The following AGPAT4 variants were observed in gnomAD, a reference collection of about 807,000 sequenced individuals.
The protein encoded by AGPAT4 is 1-acylglycerol-3-phosphate O-acyltransferase 4, also known as 1-acyl-sn-glycerol-3-phosphate acyltransferase delta.
A neutral mutation model predicts 48.0 loss-of-function variants in AGPAT4; 15 were observed. The observed-to-expected ratio is 0.31, with a 90% CI of 0.21 to 0.48. AGPAT4 has a LOEUF of 0.48. Among genes scored for constraint, AGPAT4 ranks in the 20% least tolerant of loss-of-function variants. The pLI is 0.99. For synonymous variants in AGPAT4, 178 were observed against 198.7 expected (o/e 0.90, Z 0.88); for missense variants, 314 against 482.5 (o/e 0.65, Z 3.27).
intron 1 of AGPAT4, among the ~76,000 whole-genome samples, chr6:161,256,309 C>A (rs1004062532): frequency 6.6e-6 from 1 of 152,186 alleles, no homozygotes; most frequent in Admixed American, 6.5e-5. Context: ...ACCCCAGGCA[C>A]GCATGGTGAC....
rs545800785 is a variant in AGPAT4, at chr6:161,137,938, A to C, written c.1043-1304T>G. On this transcript the variant is annotated intron_variant, in intron 8 of 8. Coordinates refer to ENST00000320285, the MANE Select transcript of AGPAT4 (RefSeq NM_020133.3). The surrounding 1 kb of genome is among the most constrained non-coding windows in gnomAD (Gnocchi z 6.1). ...CCACACTGCACCCTGGGCAGTGCTCAGGCTTCTTTTTTTGGTACTCGCTAC... is the reference window on the plus strand; with the variant it reads ...CCACACTGCACCCTGGGCAGTGCTCCGGCTTCTTTTTTTGGTACTCGCTAC... 2.0e-5 allele frequency among the ~76,000 whole-genome samples: 3 copies of C among 152,244 alleles called. No individual in the cohort carries two copies. In the South Asian group the frequency reaches 6.2e-4, roughly 32 times the overall value.
At chr6:161,268,982 T>G (rs1443456252) in intron 1 of AGPAT4, among the ~76,000 whole-genome samples, 2 of 152,232 alleles carry the variant, frequency 1.3e-5, no homozygotes, top group African/African-American at 4.8e-5. Flanking sequence ...GAAACCCACT[T>G]GTTTTTATCA....
Position 161,221,899 on chromosome 6 carries a change from A to T in AGPAT4, c.178+10137T>A, listed in dbSNP as rs1781845799. ...GATTAGGGCATACCCTAATGGCCTCATCTTAACTTGATCATCTATGAAGAC... is the reference window on the plus strand; with the variant it reads ...GATTAGGGCATACCCTAATGGCCTCTTCTTAACTTGATCATCTATGAAGAC... On this transcript the variant is annotated intron_variant, in intron 2 of 8. Coordinates refer to ENST00000320285, the MANE Select transcript of AGPAT4 (RefSeq NM_020133.3). This position sits in a 1 kb window ranked among gnomAD's most constrained non-coding sequence, Gnocchi z 4.5. Among the ~76,000 whole-genome samples, 1 of 152,250 alleles carries T rather than the reference A, an allele frequency of 6.6e-6. No homozygotes were observed. Among genetic ancestry groups the T allele is most frequent in the Non-Finnish European group, 1.5e-5 (1 of 68,048 alleles).
rs1781097394 is a variant in AGPAT4 at position 161,197,319 on chromosome 6, G to A, written c.179-30902C>T. ...TAAAGAACTAGCGTTCCATAAAACA[G>A]TTTGGGAAATACTGCTCTAAGTGAT... is the stretch of plus-strand genomic sequence containing the variant. On this transcript the variant is annotated intron_variant, in intron 2 of 8. Coordinates refer to ENST00000320285, the MANE Select transcript of AGPAT4 (RefSeq NM_020133.3). This position sits in a 1 kb window ranked among gnomAD's most constrained non-coding sequence, Gnocchi z 5.7. Among the ~76,000 whole-genome samples, 1 of 152,194 alleles carries A rather than the reference G, an allele frequency of 6.6e-6. No homozygotes were observed. Among genetic ancestry groups the A allele is most frequent in the African/African-American group, 2.4e-5 (1 of 41,450 alleles).
chr6:161,149,838 A>G lies in AGPAT4; in HGVS notation c.665-549T>C, dbSNP rs191676188. On this transcript the variant is annotated intron_variant, in intron 5 of 8. Coordinates refer to ENST00000320285, the MANE Select transcript of AGPAT4 (RefSeq NM_020133.3). This position sits in a 1 kb window ranked among gnomAD's most constrained non-coding sequence, Gnocchi z 6.5. ...ATTACAGGTGTAAGCCACTGTGCCC[A>G]GCCCAGATCACTTTTAAAGCAATAC... is the stretch of plus-strand genomic sequence containing the variant. Among the ~76,000 whole-genome samples, 1 of 152,302 alleles carries G rather than the reference A, an allele frequency of 6.6e-6. No homozygotes were observed. Among genetic ancestry groups the G allele is most frequent in the East Asian group, 1.9e-4 (1 of 5,178 alleles).
rs1381821017 is a variant in AGPAT4 at position 161,225,160 on chromosome 6, C to T, written c.178+6876G>A. Among the ~76,000 whole-genome samples the T allele has an allele frequency of 2.0e-5, 3 of 152,158 alleles. No individual in the cohort carries two copies. In the East Asian group the frequency reaches 5.8e-4, roughly 29 times the overall value. On this transcript the variant is annotated intron_variant, in intron 2 of 8. Transcript: ENST00000320285. The surrounding 1 kb of genome is among the most constrained non-coding windows in gnomAD (Gnocchi z 5.0). The stretch of plus-strand genomic sequence containing the variant: ...CCTGACTCCTTCCGATGACCTGCTC[C>T]ACCCTGACTCATTCCAATTACCTAC...
rs990679637 is a variant in AGPAT4 at position 161,266,460 on chromosome 6, A to G, written c.-90+7478T>C. On this transcript the variant is annotated intron_variant, in intron 1 of 8. Coordinates refer to ENST00000320285, the MANE Select transcript of AGPAT4 (RefSeq NM_020133.3). The surrounding 1 kb of genome is among the most constrained non-coding windows in gnomAD (Gnocchi z 6.2). ...CAGTTATGAAGAGAGGACTGTAATC[A>G]TTGTCATGGCATGTAATTATGCATC... Among the ~76,000 whole-genome samples the G allele has an allele frequency of 1.1e-4, 17 of 152,168 alleles. No individual in the cohort carries two copies. Among genetic ancestry groups the G allele is most frequent in the Admixed American group, 1.1e-3 (17 of 15,286 alleles).
At chr6:161,241,263 C>CA (rs61634719) in intron 1 of AGPAT4, among the ~76,000 whole-genome samples, 1,438 of 90,106 alleles carry the variant, frequency 0.016, 21 homozygotes, top group Admixed American at 0.04. Flanking sequence ...AACTCTGTCT[C>CA]AAAAAAAAAA....
chr6:161,144,011 TA>T lies in AGPAT4; in HGVS notation c.843+2512del, dbSNP rs1779334873. On this transcript the variant is annotated intron_variant, in intron 7 of 8. Transcript: ENST00000320285. The surrounding 1 kb of genome is among the most constrained non-coding windows in gnomAD (Gnocchi z 6.6). ...CACTTCTGACTGCAAGGTTGATCATTAAAATGAAATCCCACTTTGACAAACT... is the reference window on the plus strand; with the variant it reads ...CACTTCTGACTGCAAGGTTGATCATTAAATGAAATCCCACTTTGACAAACT... The T allele has an allele frequency of 2.4e-6, 1 of 412,728 alleles. No individual in the cohort carries two copies. The highest frequency in any genetic ancestry group is 2.9e-5 in the Admixed American group (1 of 34,732). The allele number at this position is 412,728 out of a possible 1,614,324, so 25.6% of individuals were successfully genotyped here. A position where few individuals can be genotyped will look rare whatever the true frequency, so the allele number is the denominator to read the frequency against.
In AGPAT4 at chr6:161,264,699, G is replaced by T. The variant is rs985139513; in HGVS notation, c.-90+9239C>A. ...GTATTCCTGCGGGCTGAATGCACGGGCTCCCTAAGAAACGCTGAAAGGGGA... is the reference window on the plus strand; with the variant it reads ...GTATTCCTGCGGGCTGAATGCACGGTCTCCCTAAGAAACGCTGAAAGGGGA... On this transcript the variant is annotated intron_variant, in intron 1 of 8. Transcript: ENST00000320285. This position sits in a 1 kb window ranked among gnomAD's most constrained non-coding sequence, Gnocchi z 6.8. Among the ~76,000 whole-genome samples, 1 of 152,168 alleles carries T rather than the reference G, an allele frequency of 6.6e-6. No homozygotes were observed. Among genetic ancestry groups the T allele is most frequent in the Non-Finnish European group, 1.5e-5 (1 of 68,012 alleles).
rs1386031714 is a variant in AGPAT4 at position 161,215,505 on chromosome 6, T to C, written c.178+16531A>G. Among the ~76,000 whole-genome samples the C allele has an allele frequency of 6.6e-6, 1 of 152,178 alleles. No homozygotes were observed. Among genetic ancestry groups the C allele is most frequent in the African/African-American group, 2.4e-5 (1 of 41,460 alleles). On this transcript the variant is annotated intron_variant, in intron 2 of 8. Coordinates refer to ENST00000320285, the MANE Select transcript of AGPAT4 (RefSeq NM_020133.3). This position sits in a 1 kb window ranked among gnomAD's most constrained non-coding sequence, Gnocchi z 4.5. ...GTTCAGATATCCTGGTCCTTCAGCA[T>C]GAGTGTGGTTCTCAGGTCTGTCTCT...
rs1781385440 is a variant in AGPAT4 at position 161,206,636 on chromosome 6, T to G, written c.178+25400A>C. Among the ~76,000 whole-genome samples the G allele has an allele frequency of 6.6e-6, 1 of 151,968 alleles. No individual in the cohort carries two copies. The highest frequency in any genetic ancestry group is 2.1e-4 in the South Asian group (1 of 4,812). ...AAATGTCCAAGATACAATTGAAAAA[T>G]CACTTGACATGCCAAGGACCAGGAA... On this transcript the variant is annotated intron_variant, in intron 2 of 8. Transcript: ENST00000320285. The surrounding 1 kb of genome is among the most constrained non-coding windows in gnomAD (Gnocchi z 4.8).
At chr6:161,268,869 A>C (rs1286635714) in intron 1 of AGPAT4, among the ~76,000 whole-genome samples, 1 of 152,204 alleles carries the variant, frequency 6.6e-6, no homozygotes, top group African/African-American at 2.4e-5. Context: ...AAACACAGAG[A>C]AAGTGCTGCA....
rs1193806085 is a variant in AGPAT4 at position 161,201,395 on chromosome 6, G to A, written c.178+30641C>T. On this transcript the variant is annotated intron_variant, in intron 2 of 8. Transcript: ENST00000320285. This position sits in a 1 kb window ranked among gnomAD's most constrained non-coding sequence, Gnocchi z 6.0. ...TTTCAGTCTTATTTTTATTCAAAGA[G>A]CACTTGAGGTTAAAAATAGAACCTA... is the stretch of plus-strand genomic sequence containing the variant. Among the ~76,000 whole-genome samples, 1 of 152,092 alleles carries A rather than the reference G, an allele frequency of 6.6e-6. No homozygotes were observed. The highest frequency in any genetic ancestry group is 2.4e-5 in the African/African-American group (1 of 41,410).
Position 161,139,275 on chromosome 6 carries a change from A to G in AGPAT4, c.1042+147T>C. The G allele has an allele frequency of 2.1e-6, 2 of 943,350 alleles. No homozygotes were observed. The highest frequency in any genetic ancestry group is 2.2e-5 in the Admixed American group (1 of 44,748). 58.4% of individuals were successfully genotyped at this position (943,350 alleles called of 1,614,324 possible). On this transcript the variant is annotated intron_variant, in intron 8 of 8. Coordinates refer to ENST00000320285, the MANE Select transcript of AGPAT4 (RefSeq NM_020133.3). This position sits in a 1 kb window ranked among gnomAD's most constrained non-coding sequence, Gnocchi z 9.1. ...TTCGAGGGCCTCGCACTCATCCTGAAGTCTAATCTTTCCCTGTGATTGCAA... is the reference window on the plus strand; with the variant it reads ...TTCGAGGGCCTCGCACTCATCCTGAGGTCTAATCTTTCCCTGTGATTGCAA...
rs1436708964 is a variant in AGPAT4, at chr6:161,226,499, C to T, written c.178+5537G>A. Among the ~76,000 whole-genome samples, 1 of 152,198 alleles carries T rather than the reference C, an allele frequency of 6.6e-6. No homozygotes were observed. The highest frequency in any genetic ancestry group is 1.5e-5 in the Non-Finnish European group (1 of 68,028). ...GGATCAACAGCTTTCTTATCGAGAA[C>T]ACCACAGACTTCCCTTGTATTTTCA... On this transcript the variant is annotated intron_variant, in intron 2 of 8. Coordinates refer to ENST00000320285, the MANE Select transcript of AGPAT4 (RefSeq NM_020133.3). This position sits in a 1 kb window ranked among gnomAD's most constrained non-coding sequence, Gnocchi z 6.3.
Position 161,154,206 on chromosome 6 carries a change from A to G in AGPAT4, c.453T>C (p.Asp151=), listed in dbSNP as rs1429244459. The stretch of plus-strand genomic sequence containing the variant: ...GCAAACTGGTGGCAACCGTCTTGCG[A>G]TCCTGCTCCCACTTGCGCGAACAGA... ...MVFCSRKWEQ[D]RKTVATSLQH... The change falls in exon 4 of 9, where the codon GAT becomes GAC. Residue 151 remains aspartate (D), a synonymous_variant. Coordinates refer to ENST00000320285, the MANE Select transcript of AGPAT4 (RefSeq NM_020133.3). This position sits in a 1 kb window ranked among gnomAD's most constrained non-coding sequence, Gnocchi z 7.8. 2.5e-6 allele frequency: 4 copies of G among 1,613,996 alleles called. No individual in the cohort carries two copies. In the East Asian group the frequency reaches 6.7e-5, roughly 27 times the overall value.
chr6:161,146,742 A>C lies in AGPAT4; in HGVS notation c.768-143T>G, dbSNP rs1562312024. On this transcript the variant is annotated intron_variant, in intron 6 of 8. Transcript: ENST00000320285. This position sits in a 1 kb window ranked among gnomAD's most constrained non-coding sequence, Gnocchi z 7.1. ...TGAAGAGAGTAATGCAAGTGATAGA[A>C]AGAAGGGGCGTTCCACATCCACACT... 4 of 737,604 alleles carry C rather than the reference A, an allele frequency of 5.4e-6. No homozygotes were observed. The highest frequency in any genetic ancestry group is 9.0e-6 in the Non-Finnish European group (4 of 445,850). The allele number at this position is 737,604 out of a possible 1,614,324, so 45.7% of individuals were successfully genotyped here.
In AGPAT4 at chr6:161,251,040, G is replaced by A. The variant is rs1044559139; in HGVS notation, c.-89-18738C>T. ...GTTTATTTTTATTCTTAGCTTATTG[G>A]AGGTTTAAATTACGATGAAGTAAGA... On this transcript the variant is annotated intron_variant, in intron 1 of 8. Coordinates refer to ENST00000320285, the MANE Select transcript of AGPAT4 (RefSeq NM_020133.3). The surrounding 1 kb of genome is among the most constrained non-coding windows in gnomAD (Gnocchi z 4.6). Among the ~76,000 whole-genome samples the A allele has an allele frequency of 1.3e-5, 2 of 152,018 alleles. No individual in the cohort carries two copies. Among genetic ancestry groups the A allele is most frequent in the Non-Finnish European group, 2.9e-5 (2 of 68,002 alleles).
Sources: gnomAD v4.1 joint callset for allele counts (sites outside exome capture counted in the v4.1 genomes callset) on GRCh38, gnomAD v4.1.1 for gene constraint, Gnocchi (gnomAD v3.1) non-coding constraint, MANE v1.5 for transcripts, NCBI Gene and HGNC (gene_info 2026-07-23, HGNC 2026-07-21) for gene names.